DLGAP1: variants seen among roughly 807,000 people sequenced by gnomAD.
DLGAP1 encodes disks large-associated protein 1.
Under a neutral mutation model 90.8 loss-of-function variants are expected in DLGAP1, and 11 were observed. That is an observed-to-expected ratio of 0.12 (90% confidence interval 0.08 to 0.20). The LOEUF (loss-of-function observed/expected upper bound fraction) is 0.20, where lower values mean the gene tolerates loss of function less well. Ranked by LOEUF, DLGAP1 falls within the 10% of genes least tolerant of loss-of-function variation. The probability of loss-of-function intolerance (pLI) is 1.00; values close to 1 mark genes in which losing one functional copy is unlikely to be tolerated. For synonymous variants in DLGAP1, 558 were observed against 540.7 expected (o/e 1.03, Z -0.44); for missense variants, 1,050 against 1,333.8 (o/e 0.79, Z 3.31).
At chr18:4,394,751 A>G (rs909291175) in intron 1 of DLGAP1, among the ~76,000 whole-genome samples, 1 of 152,226 alleles carries the variant, frequency 6.6e-6, no homozygotes, top group African/African-American at 2.4e-5. Context: ...CAAGATTTTG[A>G]TGATCACGGA....
chr18:4,156,779 T>A (rs1269455333), intron 1 of DLGAP1, among the ~76,000 whole-genome samples: 2 of 152,250 alleles, frequency 1.3e-5, no homozygotes, highest in African/African-American at 4.8e-5. Context: ...TCTTGCTTTT[T>A]TTACTTTATC....
Position 3,719,536 on chromosome 18 carries a change from G to C in DLGAP1, c.1591+9599C>G, listed in dbSNP as rs112368386. ...CGCGCCACTGCACTCCAGCCTGGGC[G>C]ACAGAGCAAGACTCTGTCTCAAAAA... On this transcript the variant is annotated intron_variant, in intron 7 of 12. Coordinates refer to ENST00000315677, the MANE Select transcript of DLGAP1 (RefSeq NM_004746.4). Among the ~76,000 whole-genome samples the C allele has an allele frequency of 8.5e-3, 1,045 of 123,008 alleles. 10 individuals carry two copies. The highest frequency in any genetic ancestry group is 0.034 in the African/African-American group (995 of 29,278). 80.7% of individuals were successfully genotyped at this position (123,008 alleles called of 152,430 possible). A position where few individuals can be genotyped will look rare whatever the true frequency, so the allele number is the denominator to read the frequency against.
chr18:3,905,366 CAAAAAAAAAAAA>C (rs71160924), intron 3 of DLGAP1, among the ~76,000 whole-genome samples: 2 of 19,810 alleles, frequency 1.0e-4, no homozygotes, highest in African/African-American at 1.7e-4. Flanking sequence ...GACTCCATCT[CAAAAAAAAAAAA>C]AAAAAAAAAA....
intron 7 of DLGAP1, among the ~76,000 whole-genome samples, chr18:3,634,043 T>C (rs2058609772): frequency 6.6e-6 from 1 of 152,194 alleles, no homozygotes; most frequent in Non-Finnish European, 1.5e-5. Context: ...ATATATATTA[T>C]GTATGTTATG....
intron 5 of DLGAP1, among the ~76,000 whole-genome samples, chr18:3,790,471 G>A (rs760292687): frequency 3.3e-5 from 5 of 151,806 alleles, no homozygotes; most frequent in Admixed American, 1.3e-4. Context: ...GTCTTGCTAT[G>A]TTGCCCAGGC....
At chr18:4,142,729 T>G (rs2076515168) in intron 2 of DLGAP1, among the ~76,000 whole-genome samples, 1 of 152,190 alleles carries the variant, frequency 6.6e-6, no homozygotes, top group Non-Finnish European at 1.5e-5. Flanking sequence ...GTACCTGTCC[T>G]TTGGAATGCT....
intron 5 of DLGAP1, among the ~76,000 whole-genome samples, chr18:3,792,564 C>A (rs2148240428): frequency 6.6e-6 from 1 of 152,288 alleles, no homozygotes; most frequent in African/African-American, 2.4e-5. Context: ...TTCTCTCAAC[C>A]CCTTCTGCAT....
At chr18:4,415,473 T>G (rs930892819) in intron 1 of DLGAP1, among the ~76,000 whole-genome samples, 1 of 152,188 alleles carries the variant, frequency 6.6e-6, no homozygotes, top group African/African-American at 2.4e-5. Flanking sequence ...TTGCATGCAA[T>G]GAATCAGGTT....
intron 1 of DLGAP1, among the ~76,000 whole-genome samples, chr18:4,382,289 G>A (rs78626618): frequency 0.02 from 3,048 of 152,058 alleles, 106 homozygotes; most frequent in African/African-American, 0.068. Flanking sequence ...TATATAACGA[G>A]GATAATTGTA....
At chr18:3,519,236 A>G (rs954041729) in intron 10 of DLGAP1, among the ~76,000 whole-genome samples, 3 of 152,178 alleles carry the variant, frequency 2.0e-5, no homozygotes, top group African/African-American at 4.8e-5. Flanking sequence ...ATGGCAAAAC[A>G]AGGTCCACCT....
intron 4 of DLGAP1, among the ~76,000 whole-genome samples, chr18:3,867,908 T>C (rs1334122268): frequency 1.3e-5 from 2 of 152,174 alleles, no homozygotes; most frequent in African/African-American, 4.8e-5. Flanking sequence ...AAATAAAATG[T>C]TTCTTTTTCC....
intron 2 of DLGAP1, among the ~76,000 whole-genome samples, chr18:4,074,366 T>G (rs2075494093): frequency 6.6e-6 from 1 of 152,094 alleles, no homozygotes; most frequent in African/African-American, 2.4e-5. Context: ...GCAGCAAGGT[T>G]CTCTCACTTA....
At chr18:4,083,044 A>G (rs2075634376) in intron 2 of DLGAP1, among the ~76,000 whole-genome samples, 1 of 152,044 alleles carries the variant, frequency 6.6e-6, no homozygotes, top group African/African-American at 2.4e-5. Flanking sequence ...TGATCCCCCA[A>G]AGGTTTCAAA....
chr18:3,686,940 A>G (rs976651634), intron 7 of DLGAP1, among the ~76,000 whole-genome samples: 1 of 152,192 alleles, frequency 6.6e-6, no homozygotes, highest in Non-Finnish European at 1.5e-5. Context: ...GGGTGGGCCT[A>G]ATGTCATCAT....
At chr18:3,782,612 C>G (rs1388831964) in intron 5 of DLGAP1, among the ~76,000 whole-genome samples, 1 of 152,222 alleles carries the variant, frequency 6.6e-6, no homozygotes, top group Non-Finnish European at 1.5e-5. Context: ...ATGGCAATGA[C>G]TCACCAAAGT....
chr18:4,275,683 T>A (rs1437416304), intron 1 of DLGAP1, among the ~76,000 whole-genome samples: 1 of 152,132 alleles, frequency 6.6e-6, no homozygotes, highest in African/African-American at 2.4e-5. Flanking sequence ...ATTGGGCACT[T>A]ACTAAATGCT....
chr18:4,190,791 T>C (rs1366791434), intron 1 of DLGAP1, among the ~76,000 whole-genome samples: 1 of 152,166 alleles, frequency 6.6e-6, no homozygotes, highest in Admixed American at 6.6e-5. Context: ...TAAATGGCAG[T>C]CAGTTTTCTG....
At chr18:4,181,785 A>G (rs182488204) in intron 1 of DLGAP1, among the ~76,000 whole-genome samples, 13 of 152,160 alleles carry the variant, frequency 8.5e-5, no homozygotes, top group African/African-American at 3.1e-4. Context: ...AAACACATCT[A>G]CAGCTTTCGG....
intron 7 of DLGAP1, among the ~76,000 whole-genome samples, chr18:3,702,811 TGAG>T (rs1016430414): frequency 2.6e-5 from 4 of 152,020 alleles, no homozygotes; most frequent in African/African-American, 9.7e-5. Context: ...CCAGTGGGGT[TGAG>T]GAGAATGACA....
Sources: gnomAD v4.1 joint callset for allele counts (sites outside exome capture counted in the v4.1 genomes callset) on GRCh38, gnomAD v4.1.1 for gene constraint, MANE v1.5 for transcripts, NCBI Gene and HGNC (gene_info 2026-07-23, HGNC 2026-07-21) for gene names.